The following ZNF175 variants were observed in gnomAD, a reference collection of about 807,000 sequenced individuals.
The protein encoded by ZNF175 is zinc finger protein 175, also known as zinc finger protein OTK18.
ZNF175 carries 8 observed loss-of-function variants against 14.0 expected under a neutral mutation model. The ratio of observed to expected loss-of-function variants is 0.57; its 90% CI spans 0.34 to 1.03. The LOEUF is 1.03. ZNF175 is among the 50% of genes least tolerant of loss of function. The probability of loss-of-function intolerance (pLI) is 0.03; values close to 1 mark genes in which losing one functional copy is unlikely to be tolerated. For missense variants in ZNF175, 764 were observed against 849.5 expected (o/e 0.90, Z 1.25); for synonymous variants, 255 against 296.8 (o/e 0.86, Z 1.45).
Position 51,589,407 on chromosome 19 carries a change from A to T in ZNF175, c.*940A>T. ...TTTTTATAAAAATTATTCCCTATTG[A>T]ATATTTATATAATGAGGTTGTATCA... On this transcript the variant is annotated 3_prime_UTR_variant, in exon 5 of 5. Coordinates refer to ENST00000262259, the MANE Select transcript of ZNF175 (RefSeq NM_007147.4). 1 of 585,690 alleles carries T rather than the reference A, an allele frequency of 1.7e-6. No individual in the cohort carries two copies. The highest frequency in any genetic ancestry group is 2.2e-5 in the South Asian group (1 of 44,796). The allele number at this position is 585,690 out of a possible 1,614,324, so 36.3% of individuals were successfully genotyped here. A position where few individuals can be genotyped will look rare whatever the true frequency, so the allele number is the denominator to read the frequency against.
At chr19:51,585,263 G>GTT (rs1982129782) in intron 4 of ZNF175, among the ~76,000 whole-genome samples, 1 of 152,206 alleles carries the variant, frequency 6.6e-6, no homozygotes, top group South Asian at 2.1e-4. Flanking sequence ...GGTACTTTAA[G>GTT]TAGTCAATTC....
chr19:51,571,432 G>A lies in ZNF175; in HGVS notation c.-224G>A, dbSNP rs1429221754. 1.3e-5 allele frequency: 2 copies of A among 152,182 alleles called. No homozygotes were observed. Among genetic ancestry groups the A allele is most frequent in the African/African-American group, 2.4e-5 (1 of 41,296 alleles). The allele number at this position is 152,182 out of a possible 1,614,324, so 9.4% of individuals were successfully genotyped here. A position where few individuals can be genotyped will look rare whatever the true frequency, so the allele number is the denominator to read the frequency against. ...TGATGAGGGGCTTGTTGGGGGTGGG[G>A]GTGCGTGATAAAGGGATTTCTCGGC... On this transcript the variant is annotated 5_prime_UTR_variant, in exon 1 of 5. Transcript: ENST00000262259.
rs1600090065 is a variant in ZNF175, at chr19:51,592,431, A to G, written c.*3964A>G. 1 of 534,554 alleles carries G rather than the reference A, an allele frequency of 1.9e-6. No homozygotes were observed. Among genetic ancestry groups the G allele is most frequent in the East Asian group, 3.1e-5 (1 of 31,916 alleles). The allele number at this position is 534,554 out of a possible 1,614,324, so 33.1% of individuals were successfully genotyped here. A position where few individuals can be genotyped will look rare whatever the true frequency, so the allele number is the denominator to read the frequency against. On this transcript the variant is annotated 3_prime_UTR_variant, in exon 5 of 5. Coordinates refer to ENST00000262259, the MANE Select transcript of ZNF175 (RefSeq NM_007147.4). ...AATGGTGGCTGTCCACCATGAGTACAACACAAATGCTCGTTCTTAATGATT... is the reference window on the plus strand; with the variant it reads ...AATGGTGGCTGTCCACCATGAGTACGACACAAATGCTCGTTCTTAATGATT...
Position 51,592,275 on chromosome 19 carries a change from G to A in ZNF175, c.*3808G>A, listed in dbSNP as rs1026763905. ...GCTACACATCCCAGCTCTGCCCCTC[G>A]CTAGTTTGGTGGCAAGCAACTTAAC... On this transcript the variant is annotated 3_prime_UTR_variant, in exon 5 of 5. Transcript: ENST00000262259. The A allele has an allele frequency of 6.0e-5, 13 of 216,586 alleles. No individual in the cohort carries two copies. Among genetic ancestry groups the A allele is most frequent in the African/African-American group, 2.4e-4 (10 of 42,484 alleles). 13.4% of individuals were successfully genotyped at this position (216,586 alleles called of 1,614,324 possible).
Position 51,592,374 on chromosome 19 carries a change from AC to A in ZNF175, c.*3908del. The A allele has an allele frequency of 2.4e-6, 1 of 414,670 alleles. No individual in the cohort carries two copies. Among genetic ancestry groups the A allele is most frequent in the South Asian group, 4.7e-5 (1 of 21,064 alleles). 25.7% of individuals were successfully genotyped at this position (414,670 alleles called of 1,614,324 possible). The stretch of plus-strand genomic sequence containing the variant: ...TCGCCTTGTGGCTCCTTTGCAGATT[AC>A]ATGCGTTAATTATGTAAAGTCAAGC... On this transcript the variant is annotated 3_prime_UTR_variant, in exon 5 of 5. Coordinates refer to ENST00000262259, the MANE Select transcript of ZNF175 (RefSeq NM_007147.4).
chr19:51,576,892 C>G (rs1981807077), intron 2 of ZNF175, among the ~76,000 whole-genome samples: 1 of 152,038 alleles, frequency 6.6e-6, no homozygotes. Flanking sequence ...GGCAGTAAAT[C>G]CTGTGAGAAC....
At position 51,592,409 on chromosome 19, in the gene ZNF175, G is replaced by T; in HGVS notation, c.*3942G>T. 2 of 478,548 alleles carry T rather than the reference G, an allele frequency of 4.2e-6. No homozygotes were observed. Among genetic ancestry groups the T allele is most frequent in the Non-Finnish European group, 7.3e-6 (2 of 275,006 alleles). The allele number at this position is 478,548 out of a possible 1,614,324, so 29.6% of individuals were successfully genotyped here. A position where few individuals can be genotyped will look rare whatever the true frequency, so the allele number is the denominator to read the frequency against. ...ATTATGTAAAGTCAAGCATTAGAAT[G>T]GTGGCTGTCCACCATGAGTACAACA... On this transcript the variant is annotated 3_prime_UTR_variant, in exon 5 of 5. Coordinates refer to ENST00000262259, the MANE Select transcript of ZNF175 (RefSeq NM_007147.4).
intron 2 of ZNF175, among the ~76,000 whole-genome samples, chr19:51,580,080 A>C (rs1412387203): frequency 1.3e-5 from 2 of 152,126 alleles, no homozygotes; most frequent in Non-Finnish European, 2.9e-5. Context: ...AATATCATTA[A>C]ATTGATTTTA....
chr19:51,581,444 G>A lies in ZNF175; in HGVS notation c.126G>A (p.Gln42=). ...VTVDFSREEW[Q]QLDPAQRCLY... ...TGGACTTCAGCAGGGAGGAGTGGCAGCAACTGGACCCTGCCCAGAGATGCC... is the reference window on the plus strand; with the variant it reads ...TGGACTTCAGCAGGGAGGAGTGGCAACAACTGGACCCTGCCCAGAGATGCC... The change falls in exon 3 of 5, where the codon CAG becomes CAA. Residue 42 remains glutamine (Q), a synonymous_variant. Transcript: ENST00000262259. The A allele has an allele frequency of 1.2e-6, 2 of 1,614,192 alleles. No individual in the cohort carries two copies. Among genetic ancestry groups the A allele is most frequent in the Non-Finnish European group, 8.5e-7 (1 of 1,180,044 alleles).
At chr19:51,584,190 A>G (rs911333754) in intron 4 of ZNF175, among the ~76,000 whole-genome samples, 2 of 152,222 alleles carry the variant, frequency 1.3e-5, no homozygotes, top group African/African-American at 4.8e-5. Flanking sequence ...CATGGGAAGC[A>G]TGGATAGCAA....
chr19:51,587,346 G>T lies in ZNF175; in HGVS notation c.1015G>T (p.Glu339Ter), dbSNP rs1462321701. The part of the protein sequence containing the change: ...HTGDIPCICK[E>*]CGKVFIQRSE... The stretch of plus-strand genomic sequence containing the variant: ...AGGTGATATACCCTGTATATGCAAG[G>T]AATGTGGGAAGGTCTTTATTCAGAG... The change falls in exon 5 of 5, where the codon GAA becomes TAA. Residue 339 changes from glutamate (E) to a stop codon, truncating the protein, a stop_gained. Coordinates refer to ENST00000262259, the MANE Select transcript of ZNF175 (RefSeq NM_007147.4). LOFTEE classifies it low-confidence loss of function (END_TRUNC). 3 of 1,614,036 alleles carry T rather than the reference G, an allele frequency of 1.9e-6. No individual in the cohort carries two copies. In the African/African-American group the frequency reaches 4.0e-5, roughly 22 times the overall value.
At position 51,576,151 on chromosome 19, in the gene ZNF175, T is replaced by G. The variant is rs74326269; in HGVS notation, c.72+2750T>G. On this transcript the variant is annotated intron_variant, in intron 2 of 4. Transcript: ENST00000262259. ...CTATTTCAGGGACAGTTTTTTTTTT[T>G]GTTTTTTTTTTTTTTTGAGACAGAG... 3.1e-3 allele frequency among the ~76,000 whole-genome samples: 382 copies of G among 122,552 alleles called. 13 individuals carry two copies. The East Asian group carries it at 0.093, about 30-fold the overall frequency. 80.4% of individuals were successfully genotyped at this position (122,552 alleles called of 152,430 possible).
intron 1 of ZNF175, among the ~76,000 whole-genome samples, chr19:51,572,107 A>G (rs1339125424): frequency 6.6e-6 from 1 of 152,116 alleles, no homozygotes; most frequent in Non-Finnish European, 1.5e-5. Context: ...ATGGTTTCCT[A>G]TTGGGGCATT....
rs955342418 is a variant in ZNF175, at chr19:51,582,659, G to A, written c.295+777G>A. ...ATGGTGAGAGCCTCTCATCTTATCT[G>A]TTATCTGATTGGCTTTTTCATTTGT... On this transcript the variant is annotated intron_variant, in intron 4 of 4. Coordinates refer to ENST00000262259, the MANE Select transcript of ZNF175 (RefSeq NM_007147.4). 2.0e-5 allele frequency among the ~76,000 whole-genome samples: 3 copies of A among 152,082 alleles called. No individual in the cohort carries two copies. In the East Asian group the frequency reaches 5.8e-4, roughly 29 times the overall value.
chr19:51,573,165 C>G lies in ZNF175; in HGVS notation c.-165C>G. 5.8e-6 allele frequency: 4 copies of G among 690,684 alleles called. No homozygotes were observed. The highest frequency in any genetic ancestry group is 1.0e-5 in the Non-Finnish European group (4 of 391,794). 42.8% of individuals were successfully genotyped at this position (690,684 alleles called of 1,614,324 possible). A position where few individuals can be genotyped will look rare whatever the true frequency, so the allele number is the denominator to read the frequency against. ...CTTTTCCAAGGCTTCTGCAGAACCC[C>G]CAGGTCAGGCCACATCATTGAGGCT... On this transcript the variant is annotated 5_prime_UTR_variant, in exon 2 of 5. Coordinates refer to ENST00000262259, the MANE Select transcript of ZNF175 (RefSeq NM_007147.4).
At chr19:51,579,591 A>C (rs1981929552) in intron 2 of ZNF175, among the ~76,000 whole-genome samples, 1 of 152,202 alleles carries the variant, frequency 6.6e-6, no homozygotes, top group South Asian at 2.1e-4. Flanking sequence ...TACAGTTACC[A>C]ACACTGATAA....
rs116902352 is a variant in ZNF175, at chr19:51,582,717, G to A, written c.295+835G>A. ...ATTTTCTTACCGCTTATCTCTTTAC[G>A]TCCATGGAGTTTTCTGCCTTTTTTT... On this transcript the variant is annotated intron_variant, in intron 4 of 4. Transcript: ENST00000262259. Among the ~76,000 whole-genome samples the A allele has an allele frequency of 2.5e-4, 38 of 151,956 alleles. 1 individual carries two copies. The East Asian group carries it at 5.6e-3, about 22-fold the overall frequency.
chr19:51,588,624 G>A lies in ZNF175; in HGVS notation c.*157G>A. ...GCATGTGTGAACACATGATAAAAAA[G>A]TCATGCTTTATTTTAGTGAGGGCAA... On this transcript the variant is annotated 3_prime_UTR_variant, in exon 5 of 5. Coordinates refer to ENST00000262259, the MANE Select transcript of ZNF175 (RefSeq NM_007147.4). 1 of 785,866 alleles carries A rather than the reference G, an allele frequency of 1.3e-6. No homozygotes were observed. Among genetic ancestry groups the A allele is most frequent in the Non-Finnish European group, 1.8e-6 (1 of 543,296 alleles). 48.7% of individuals were successfully genotyped at this position (785,866 alleles called of 1,614,324 possible). A position where few individuals can be genotyped will look rare whatever the true frequency, so the allele number is the denominator to read the frequency against.
chr19:51,591,116 G>C lies in ZNF175; in HGVS notation c.*2649G>C, dbSNP rs1386354505. 4 of 152,786 alleles carry C rather than the reference G, an allele frequency of 2.6e-5. No homozygotes were observed. Among genetic ancestry groups the C allele is most frequent in the Non-Finnish European group, 5.8e-5 (4 of 68,474 alleles). The allele number at this position is 152,786 out of a possible 1,614,324, so 9.5% of individuals were successfully genotyped here. On this transcript the variant is annotated 3_prime_UTR_variant, in exon 5 of 5. Transcript: ENST00000262259. The stretch of plus-strand genomic sequence containing the variant: ...AGCCCTTCCTCCCCACTTCCAGAAA[G>C]CTGCTCGTTCCCTGGCCATCCCACA...
Sources: gnomAD v4.1 joint callset for allele counts (sites outside exome capture counted in the v4.1 genomes callset) on GRCh38, gnomAD v4.1.1 for gene constraint, MANE v1.5 for transcripts, NCBI Gene and HGNC (gene_info 2026-07-23, HGNC 2026-07-21) for gene names.